TNIK: variants seen among roughly 807,000 people sequenced by gnomAD.
TNIK encodes TRAF2 and NCK-interacting protein kinase.
In TNIK, 49 loss-of-function variants were observed where a neutral mutation model predicts 191.3. The ratio of observed to expected loss-of-function variants is 0.26; its 90% confidence interval spans 0.20 to 0.32. The LOEUF (loss-of-function observed/expected upper bound fraction) is 0.32. Ranked by LOEUF, TNIK falls within the 10% of genes least tolerant of loss-of-function variation. The probability of loss-of-function intolerance (pLI) is 1.00; values close to 1 mark genes in which losing one functional copy is unlikely to be tolerated. For missense variants in TNIK, 1,155 were observed against 1,702.3 expected, an observed-to-expected ratio of 0.68 and a Z score of 5.66; for synonymous variants, 594 against 600.9, an observed-to-expected ratio of 0.99 and a Z score of 0.17.
At chr3:171,096,496 A>G (rs944064796) in intron 22 of TNIK, among the ~76,000 whole-genome samples, 1 of 152,072 alleles carries the variant, frequency 6.6e-6, no homozygotes, top group Non-Finnish European at 1.5e-5. Context: ...TTTTAACAAA[A>G]TCCTGCCCCA....
intron 2 of TNIK, among the ~76,000 whole-genome samples, chr3:171,286,820 T>G (rs1751058338): frequency 6.6e-6 from 1 of 152,212 alleles, no homozygotes. Flanking sequence ...TGACACAATG[T>G]TGTAGTTTGA....
intron 12 of TNIK, among the ~76,000 whole-genome samples, chr3:171,149,293 C>T (rs528782316): frequency 2.0e-4 from 30 of 149,756 alleles, no homozygotes; most frequent in Non-Finnish European, 4.4e-5. Context: ...ATGCAAGGTA[C>T]TCTAGATACA....
At chr3:171,376,003 C>T (rs902531088) in intron 1 of TNIK, among the ~76,000 whole-genome samples, 18 of 152,124 alleles carry the variant, frequency 1.2e-4, no homozygotes, top group African/African-American at 4.3e-4. Context: ...TGACTGCTAC[C>T]CCCGGATTCC....
rs190596108 is a variant in TNIK at position 171,376,777 on chromosome 3, T to G, written c.58-7092A>C. Among the ~76,000 whole-genome samples, 751 of 148,770 alleles carry G rather than the reference T, an allele frequency of 5.0e-3. 6 individuals carry two copies. The highest frequency in any genetic ancestry group is 0.018 in the African/African-American group (703 of 38,266). ...ATAGATAGATAGATAGATAGATAGA[T>G]AGATAGATAGATAGATGAGAGAGAT... On this transcript the variant is annotated intron_variant, in intron 1 of 32. Coordinates refer to ENST00000436636, the MANE Select transcript of TNIK (RefSeq NM_015028.4).
rs202161463 is a variant in TNIK, at chr3:171,125,968, T to A, written c.1957A>T (p.Ile653Phe). 92 of 1,613,832 alleles carry A rather than the reference T, an allele frequency of 5.7e-5. No individual in the cohort carries two copies. The highest frequency in any genetic ancestry group is 7.0e-5 in the Non-Finnish European group (83 of 1,179,894). Residue 653 changes from isoleucine to phenylalanine, a missense_variant, in exon 17 of 33, where the codon ATT becomes TTT. Around this residue, in one of 3 missense-constraint regions of TNIK, gnomAD observed 735 missense variants for 848.0 expected, o/e 0.87. Coordinates refer to ENST00000436636, the MANE Select transcript of TNIK (RefSeq NM_015028.4). ...CAAGAGCTTCGGTCAAACTTTTCAA[T>A]GCGAGTGGGGAGAGGAGGATTTTCC... ...TSENPPLPTRIEKFDRSSWLR... is the reference protein window; with the variant it reads ...TSENPPLPTRFEKFDRSSWLR...
At chr3:171,337,544 T>C (rs775056033) in intron 2 of TNIK, among the ~76,000 whole-genome samples, 7 of 152,212 alleles carry the variant, frequency 4.6e-5, no homozygotes, top group East Asian at 3.8e-4. Flanking sequence ...ATTCTTGAGG[T>C]TGGTCAGCAA....
At chr3:171,312,335 T>A (rs115177160) in intron 2 of TNIK, among the ~76,000 whole-genome samples, 2,288 of 152,110 alleles carry the variant, frequency 0.015, 52 homozygotes, top group African/African-American at 0.052. Context: ...TATTTTTATA[T>A]GAAAATAGTT....
intron 9 of TNIK, among the ~76,000 whole-genome samples, chr3:171,174,704 T>A (rs1298483249): frequency 6.6e-6 from 1 of 152,166 alleles, no homozygotes; most frequent in African/African-American, 2.4e-5. Context: ...TGTAAGTTTA[T>A]CAAAAGGAAA....
At chr3:171,076,158 T>C (rs568896942) in intron 28 of TNIK, among the ~76,000 whole-genome samples, 2 of 152,072 alleles carry the variant, frequency 1.3e-5, no homozygotes, top group South Asian at 4.1e-4. Flanking sequence ...TGTTATTAAG[T>C]GAGGAACATG....
At chr3:171,180,036 C>T (rs1351246448) in intron 7 of TNIK, among the ~76,000 whole-genome samples, 1 of 152,174 alleles carries the variant, frequency 6.6e-6, no homozygotes, top group Non-Finnish European at 1.5e-5. Flanking sequence ...ATGGCCCTAA[C>T]TGCAACAGAA....
intron 2 of TNIK, among the ~76,000 whole-genome samples, chr3:171,321,337 T>A (rs1176195952): frequency 6.6e-6 from 1 of 152,160 alleles, no homozygotes; most frequent in African/African-American, 2.4e-5. Flanking sequence ...ATTAACTTAT[T>A]GCGGTTTTCT....
At chr3:171,150,814 A>G (rs991217855) in intron 12 of TNIK, among the ~76,000 whole-genome samples, 1 of 152,162 alleles carries the variant, frequency 6.6e-6, no homozygotes, top group Non-Finnish European at 1.5e-5. Context: ...ACATAACGAA[A>G]ATGTGCTCTG....
At chr3:171,417,532 T>C (rs370608932) in intron 1 of TNIK, among the ~76,000 whole-genome samples, 9 of 152,130 alleles carry the variant, frequency 5.9e-5, no homozygotes, top group East Asian at 1.9e-4. Flanking sequence ...TTATAACTTA[T>C]AGTTATAAAA....
chr3:171,254,612 G>A (rs1359260705), intron 2 of TNIK, among the ~76,000 whole-genome samples: 5 of 152,148 alleles, frequency 3.3e-5, no homozygotes, highest in Non-Finnish European at 7.3e-5. Context: ...AGAAAACAAT[G>A]ATCATTACTG....
intron 21 of TNIK, chr3:171,101,931 CATTTT>C (rs1723639426): frequency 1.0e-5 from 2 of 200,300 alleles, no homozygotes; most frequent in East Asian, 1.1e-4. Context: ...ATTGGGTTCT[CATTTT>C]GTTTTGGAAA....
At chr3:171,284,172 G>A (rs1750772438) in intron 2 of TNIK, among the ~76,000 whole-genome samples, 1 of 152,020 alleles carries the variant, frequency 6.6e-6, no homozygotes, top group African/African-American at 2.4e-5. Context: ...TCATTGTTAA[G>A]ATTCTGATGC....
chr3:171,409,073 T>G (rs1160914276), intron 1 of TNIK, among the ~76,000 whole-genome samples: 1 of 152,182 alleles, frequency 6.6e-6, no homozygotes, highest in Admixed American at 6.5e-5. Context: ...ATAGTTATTT[T>G]CTTTTTCATT....
chr3:171,207,019 T>C (rs916105633), intron 4 of TNIK, among the ~76,000 whole-genome samples: 1 of 151,136 alleles, frequency 6.6e-6, no homozygotes, highest in South Asian at 2.1e-4. Flanking sequence ...TAAATCTACA[T>C]TAATGCTTTT....
intron 2 of TNIK, among the ~76,000 whole-genome samples, chr3:171,248,006 G>T (rs942907421): frequency 7.2e-5 from 11 of 152,166 alleles, no homozygotes; most frequent in Admixed American, 7.2e-4. Context: ...GAGGAAAGGG[G>T]CAATTCTGGG....
Sources: allele counts gnomAD v4.1 joint callset (sites outside exome capture counted in the v4.1 genomes callset), GRCh38; gene constraint gnomAD v4.1.1; regional missense constraint gnomAD v4.1.1; transcripts MANE v1.5; gene names NCBI Gene and HGNC (gene_info 2026-07-23, HGNC 2026-07-21).